Variants in KCNQ3 observed in about 807,000 individuals in gnomAD.
KCNQ3 encodes potassium voltage-gated channel subfamily Q member 3.
Under a neutral mutation model 92.5 loss-of-function variants are expected in KCNQ3, and 30 were observed. That is an observed-to-expected ratio of 0.32 (90% confidence interval 0.24 to 0.44). The LOEUF is 0.44. Among genes scored for constraint, KCNQ3 ranks in the 20% least tolerant of loss-of-function variants. KCNQ3 has a pLI of 1.00. For synonymous variants in KCNQ3, 450 were observed against 468.8 expected, an observed-to-expected ratio of 0.96 and a Z score of 0.52; for missense variants, 913 against 1,140.3, an observed-to-expected ratio of 0.80 and a Z score of 2.87.
chr8:132,434,176 C>G (rs1248369395), intron 1 of KCNQ3, among the ~76,000 whole-genome samples: 1 of 148,120 alleles, frequency 6.8e-6, no homozygotes, highest in African/African-American at 2.5e-5. Context: ...CCACTGCACT[C>G]CAGCCTGGGT....
At chr8:132,133,145 GT>G (rs1191079629) in intron 13 of KCNQ3, among the ~76,000 whole-genome samples, 1 of 152,114 alleles carries the variant, frequency 6.6e-6, no homozygotes, top group Non-Finnish European at 1.5e-5. Context: ...TGGATATTCT[GT>G]TTTCTGGAAA....
At chr8:132,258,879 T>C (rs1815681767) in intron 1 of KCNQ3, among the ~76,000 whole-genome samples, 1 of 152,066 alleles carries the variant, frequency 6.6e-6, no homozygotes, top group South Asian at 2.1e-4. Flanking sequence ...TGAATAATTG[T>C]ATGTCAAAAA....
Position 132,137,895 on chromosome 8 carries a change from G to A in KCNQ3, c.1690C>T (p.Leu564Phe). ...HLDMLSRIKYLQTRIDMIFTP... is the reference protein window; with the variant it reads ...HLDMLSRIKYFQTRIDMIFTP... ...ATGTGACTGTCTCACCTCGTCTGAA[G>A]GTACTTTATCCTGGAAAGCATGTCG... is the stretch of plus-strand genomic sequence containing the variant. Residue 564 changes from leucine to phenylalanine, a missense_variant, in exon 12 of 15, where the codon CTT becomes TTT. This residue lies in a region of KCNQ3 where 182 missense variants were observed against 234.5 expected (regional missense o/e 0.78). Coordinates refer to ENST00000388996, the MANE Select transcript of KCNQ3 (RefSeq NM_004519.4). The A allele has an allele frequency of 3.7e-6, 6 of 1,614,042 alleles. No homozygotes were observed. Among genetic ancestry groups the A allele is most frequent in the Non-Finnish European group, 5.1e-6 (6 of 1,179,992 alleles).
intron 1 of KCNQ3, among the ~76,000 whole-genome samples, chr8:132,465,503 G>A (rs1165176258): frequency 1.3e-5 from 2 of 152,104 alleles, no homozygotes; most frequent in Non-Finnish European, 2.9e-5. Context: ...GAGGCGGGAG[G>A]ATCATAAGGT....
chr8:132,285,974 T>C (rs1458140421), intron 1 of KCNQ3, among the ~76,000 whole-genome samples: 1 of 152,190 alleles, frequency 6.6e-6, no homozygotes, highest in Non-Finnish European at 1.5e-5. Flanking sequence ...ATTGCAGACC[T>C]TGGTAGTGCC....
chr8:132,134,556 A>AGAGGAGAAGT (rs1481929780), intron 12 of KCNQ3, among the ~76,000 whole-genome samples, 168 bp from the exon 13 acceptor site: 1 of 65,080 alleles, frequency 1.5e-5, no homozygotes. Flanking sequence ...AGAAGTGAGG[A>AGAGGAGAAGT]GAGGAGAGGG....
intron 1 of KCNQ3, among the ~76,000 whole-genome samples, chr8:132,395,783 C>T (rs1820175226): frequency 6.6e-6 from 1 of 152,182 alleles, no homozygotes; most frequent in Non-Finnish European, 1.5e-5. Context: ...TGGCTGAAGC[C>T]GAAGCTCAGT....
At chr8:132,227,041 A>C (rs1193375846) in intron 1 of KCNQ3, among the ~76,000 whole-genome samples, 1 of 150,494 alleles carries the variant, frequency 6.6e-6, no homozygotes, top group African/African-American at 2.5e-5. Flanking sequence ...ATAATTAAGT[A>C]CTTAAAACAT....
At chr8:132,211,053 G>T (rs1286508194) in intron 1 of KCNQ3, among the ~76,000 whole-genome samples, 2 of 152,208 alleles carry the variant, frequency 1.3e-5, no homozygotes, top group African/African-American at 4.8e-5. Flanking sequence ...GGCCTGCCTT[G>T]TCTTCTATCA....
intron 1 of KCNQ3, among the ~76,000 whole-genome samples, chr8:132,234,820 T>C (rs1009637546): frequency 6.6e-6 from 1 of 152,116 alleles, no homozygotes; most frequent in African/African-American, 2.4e-5. Flanking sequence ...ACTGGGAGTT[T>C]CTGGACTATG....
At chr8:132,432,097 G>T (rs1821266898) in intron 1 of KCNQ3, among the ~76,000 whole-genome samples, 1 of 152,184 alleles carries the variant, frequency 6.6e-6, no homozygotes, top group Non-Finnish European at 1.5e-5. Context: ...TTTGATGCTT[G>T]TCCAAAGTTT....
intron 1 of KCNQ3, among the ~76,000 whole-genome samples, chr8:132,303,673 T>C (rs1225459476): frequency 3.0e-5 from 1 of 33,802 alleles, no homozygotes; most frequent in Non-Finnish European, 4.5e-5. Flanking sequence ...TGTGTATATA[T>C]ATATACACAC....
At chr8:132,448,502 G>GAAAAAAAAAAAAAAAAAAAAAGGGGAAA (rs1821744773) in intron 1 of KCNQ3, among the ~76,000 whole-genome samples, 3 of 93,880 alleles carry the variant, frequency 3.2e-5, no homozygotes, top group East Asian at 3.3e-4. Context: ...GGAGAAATAT[G>GAAAAAAAAAAAAAAAAAAAAAGGGGAAA]AAAAAAAAAA....
chr8:132,129,206 A>G lies in KCNQ3; in HGVS notation c.*56T>C. Reference sequence around the variant, plus strand: ...CTGGTAAGCGTCGGGTGTAAGAGTAAGTGAACTATACAAAGTCTGTCTACA... The same window carrying G: ...CTGGTAAGCGTCGGGTGTAAGAGTAGGTGAACTATACAAAGTCTGTCTACA... On this transcript the variant is annotated 3_prime_UTR_variant, in exon 15 of 15. Transcript: ENST00000388996. The surrounding 1 kb of genome is among the most constrained non-coding windows in gnomAD (Gnocchi z 5.9). 1 of 1,588,712 alleles carries G rather than the reference A, an allele frequency of 6.3e-7. No homozygotes were observed. The highest frequency in any genetic ancestry group is 8.5e-7 in the Non-Finnish European group (1 of 1,170,102).
At chr8:132,265,420 A>G (rs918749983) in intron 1 of KCNQ3, among the ~76,000 whole-genome samples, 1 of 152,236 alleles carries the variant, frequency 6.6e-6, no homozygotes. Flanking sequence ...AGGTTTTCCC[A>G]GCACACTAAA....
chr8:132,121,802 C>T lies in KCNQ3; in HGVS notation c.*7460G>A, dbSNP rs2130911413. 6.6e-6 allele frequency: 1 copy of T among 152,278 alleles called. No homozygotes were observed. The highest frequency in any genetic ancestry group is 1.5e-5 in the Non-Finnish European group (1 of 68,002). The allele number at this position is 152,278 out of a possible 1,614,324, so 9.4% of individuals were successfully genotyped here. On this transcript the variant is annotated 3_prime_UTR_variant, in exon 15 of 15. Coordinates refer to ENST00000388996, the MANE Select transcript of KCNQ3 (RefSeq NM_004519.4). Reference sequence around the variant, plus strand: ...TGGTTAAAAACAATGACAGGAGCTCCTTGGGGGCAGAGAACAAGGGGCACT... The same window carrying T: ...TGGTTAAAAACAATGACAGGAGCTCTTTGGGGGCAGAGAACAAGGGGCACT...
chr8:132,300,460 T>C (rs921066599), intron 1 of KCNQ3, among the ~76,000 whole-genome samples: 1 of 152,196 alleles, frequency 6.6e-6, no homozygotes, highest in Non-Finnish European at 1.5e-5. Context: ...TTTCGTTGGC[T>C]GTCAGAATGT....
At chr8:132,132,764 GATGA>G (rs1348092910) in intron 13 of KCNQ3, among the ~76,000 whole-genome samples, 1 of 152,206 alleles carries the variant, frequency 6.6e-6, no homozygotes, top group Non-Finnish European at 1.5e-5. Context: ...TGATGCAAAA[GATGA>G]CACTGGTGAG....
At chr8:132,305,084 T>C (rs1817377157) in intron 1 of KCNQ3, among the ~76,000 whole-genome samples, 1 of 152,164 alleles carries the variant, frequency 6.6e-6, no homozygotes, top group Non-Finnish European at 1.5e-5. Context: ...GACCACTTCA[T>C]CTAAGCTCCC....
Sources: gnomAD v4.1 joint callset for allele counts (sites outside exome capture counted in the v4.1 genomes callset) on GRCh38, gnomAD v4.1.1 for gene constraint, gnomAD v4.1.1 regional missense constraint, Gnocchi (gnomAD v3.1) non-coding constraint, MANE v1.5 for transcripts, NCBI Gene and HGNC (gene_info 2026-07-23, HGNC 2026-07-21) for gene names.